Variants in ERC2 observed in about 807,000 individuals in gnomAD.
The protein encoded by ERC2 is ERC protein 2.
A neutral mutation model predicts 114.8 loss-of-function variants in ERC2; 42 were observed. The observed-to-expected ratio is 0.37, with a 90% CI of 0.29 to 0.47. ERC2 has a LOEUF of 0.47. Ranked by LOEUF, ERC2 falls within the 20% of genes least tolerant of loss-of-function variation. The pLI is 0.99. For missense variants in ERC2, 939 were observed against 1,150.7 expected, an observed-to-expected ratio of 0.82 and a Z score of 2.66; for synonymous variants, 454 against 425.5, an observed-to-expected ratio of 1.07 and a Z score of -0.82.
intron 7 of ERC2, among the ~76,000 whole-genome samples, chr3:56,025,014 C>T (rs2073955698): frequency 6.6e-6 from 1 of 152,168 alleles, no homozygotes; most frequent in South Asian, 2.1e-4. Context: ...ACCTGTGTCG[C>T]ACGTGGCTGG....
chr3:55,948,379 C>T (rs145917003), intron 13 of ERC2, among the ~76,000 whole-genome samples: 9 of 152,318 alleles, frequency 5.9e-5, no homozygotes, highest in East Asian at 1.9e-4. Context: ...TAAAGCTTAA[C>T]AGGCTAACTT....
intron 2 of ERC2, among the ~76,000 whole-genome samples, chr3:56,330,691 C>A (rs2057569378): frequency 6.6e-6 from 1 of 152,088 alleles, no homozygotes; most frequent in South Asian, 2.1e-4. Context: ...AACAAAAATG[C>A]ACAATGGAGC....
chr3:55,940,396 G>A (rs935521688), intron 13 of ERC2, among the ~76,000 whole-genome samples: 4 of 151,994 alleles, frequency 2.6e-5, no homozygotes, highest in African/African-American at 9.7e-5. Flanking sequence ...CAGAAGCTCA[G>A]GGCCCCACGG....
At chr3:56,024,970 T>G (rs1392088755) in intron 7 of ERC2, among the ~76,000 whole-genome samples, 2 of 152,198 alleles carry the variant, frequency 1.3e-5, no homozygotes, top group African/African-American at 4.8e-5. Context: ...CCTGTCATCA[T>G]GAGCAATGTA....
chr3:55,982,981 G>A (rs969688048), intron 12 of ERC2, among the ~76,000 whole-genome samples: 1 of 152,194 alleles, frequency 6.6e-6, no homozygotes, highest in Non-Finnish European at 1.5e-5. Context: ...GCTGCCAGGC[G>A]CCAGCCATCA....
intron 2 of ERC2, among the ~76,000 whole-genome samples, chr3:56,317,384 G>A (rs796509598): frequency 5.9e-5 from 9 of 152,126 alleles, no homozygotes; most frequent in African/African-American, 2.2e-4. Context: ...AGGCAGCTAC[G>A]AAGGTAGCGA....
At chr3:55,832,690 A>T (rs1001101466) in intron 14 of ERC2, among the ~76,000 whole-genome samples, 4 of 152,206 alleles carry the variant, frequency 2.6e-5, no homozygotes, top group East Asian at 1.9e-4. Flanking sequence ...AAACTCTAAA[A>T]AGCAGAGCGC....
At chr3:56,389,513 T>G (rs1294314886) in intron 2 of ERC2, among the ~76,000 whole-genome samples, 2 of 152,112 alleles carry the variant, frequency 1.3e-5, no homozygotes, top group Non-Finnish European at 2.9e-5. Flanking sequence ...AATGAGACCA[T>G]CCCACCTGCA....
At chr3:55,783,757 C>T (rs1373235014) in intron 14 of ERC2, among the ~76,000 whole-genome samples, 1 of 152,044 alleles carries the variant, frequency 6.6e-6, no homozygotes, top group Non-Finnish European at 1.5e-5. Flanking sequence ...ATCACTTGCC[C>T]CAACAGGTGA....
intron 17 of ERC2, among the ~76,000 whole-genome samples, chr3:55,650,191 C>T (rs1452127364): frequency 6.6e-6 from 1 of 152,200 alleles, no homozygotes; most frequent in Non-Finnish European, 1.5e-5. Context: ...GAAACGCCCA[C>T]CCCACCACGG....
chr3:55,791,866 A>T (rs1244505815), intron 14 of ERC2, among the ~76,000 whole-genome samples: 1 of 152,078 alleles, frequency 6.6e-6, no homozygotes, highest in Non-Finnish European at 1.5e-5. Flanking sequence ...GGGAAAAAAC[A>T]TGGAAAAATC....
chr3:55,821,770 CTG>C (rs1263026392), intron 14 of ERC2, among the ~76,000 whole-genome samples: 1 of 152,242 alleles, frequency 6.6e-6, no homozygotes, highest in Non-Finnish European at 1.5e-5. Flanking sequence ...TTGAGAGCTT[CTG>C]TGTGTCCCAC....
intron 2 of ERC2, among the ~76,000 whole-genome samples, chr3:56,369,609 G>A (rs532586385): frequency 4.9e-4 from 75 of 152,250 alleles, no homozygotes; most frequent in Non-Finnish European, 7.9e-4. Context: ...CAGATGCTCC[G>A]GTTGTAACTT....
chr3:55,855,202 G>A (rs1317409775), intron 14 of ERC2, among the ~76,000 whole-genome samples: 1 of 152,182 alleles, frequency 6.6e-6, no homozygotes, highest in East Asian at 1.9e-4. Flanking sequence ...TCTCAGAGGT[G>A]TAAACCATAC....
chr3:55,920,507 C>T (rs2065362648), intron 13 of ERC2, among the ~76,000 whole-genome samples: 1 of 151,680 alleles, frequency 6.6e-6, no homozygotes, highest in Admixed American at 6.6e-5. Context: ...GGGTGATGGG[C>T]TTCACTGAAA....
intron 14 of ERC2, among the ~76,000 whole-genome samples, chr3:55,808,168 T>C (rs775807937): frequency 3.3e-5 from 5 of 152,106 alleles, no homozygotes; most frequent in Non-Finnish European, 7.4e-5. Flanking sequence ...GTGCACCAAA[T>C]GAGATGAAAG....
chr3:56,361,017 A>G (rs927299578), intron 2 of ERC2, among the ~76,000 whole-genome samples: 57 of 152,196 alleles, frequency 3.7e-4, no homozygotes, highest in African/African-American at 1.4e-3. Flanking sequence ...CAGAGGTAGG[A>G]AAGATCCTCG....
intron 6 of ERC2, among the ~76,000 whole-genome samples, chr3:56,114,104 A>G (rs2079105991): frequency 6.6e-6 from 1 of 152,212 alleles, no homozygotes. Flanking sequence ...AAGTATACAT[A>G]TTTAACAGGT....
At chr3:56,421,028 A>G (rs2061370732) in intron 2 of ERC2, among the ~76,000 whole-genome samples, 1 of 152,220 alleles carries the variant, frequency 6.6e-6, no homozygotes, top group Non-Finnish European at 1.5e-5. Flanking sequence ...TGGTAAAATA[A>G]CATGAATTGA....
Sources: gnomAD v4.1 joint callset for allele counts (sites outside exome capture counted in the v4.1 genomes callset) on GRCh38, gnomAD v4.1.1 for gene constraint, MANE v1.5 for transcripts, NCBI Gene and HGNC (gene_info 2026-07-23, HGNC 2026-07-21) for gene names.